Variants in ANKAR observed in about 807,000 individuals in gnomAD.
ANKAR encodes the protein ankyrin and armadillo repeat containing.
A neutral mutation model predicts 146.2 loss-of-function variants in ANKAR; 136 were observed. The ratio of observed to expected loss-of-function variants is 0.93; its 90% CI spans 0.81 to 1.07. The LOEUF (loss-of-function observed/expected upper bound fraction) is 1.07. Among genes scored for constraint, ANKAR ranks in the 50% least tolerant of loss-of-function variants. The pLI, the probability that ANKAR is intolerant of heterozygous loss-of-function variation, is 0.00. For missense variants in ANKAR, 1,567 were observed against 1,679.9 expected (o/e 0.93, Z 1.18); for synonymous variants, 500 against 575.8 (o/e 0.87, Z 1.88).
downstream of ANKAR, chr2:189,750,413 A>T: frequency 2.1e-6 from 1 of 487,414 alleles, no homozygotes; most frequent in Non-Finnish European, 3.6e-6. Context: ...CTTTTAACAC[A>T]TTATAGTATC....
intron 2 of ANKAR, among the ~76,000 whole-genome samples, chr2:189,681,590 C>G (rs1413898829): frequency 6.6e-6 from 1 of 152,222 alleles, no homozygotes; most frequent in African/African-American, 2.4e-5. Flanking sequence ...AGGGTTGATA[C>G]TCAAAACACT....
chr2:189,737,138 T>TG (rs11377912), intron 17 of ANKAR, among the ~76,000 whole-genome samples: 148,366 of 151,182 alleles, frequency 0.98, 72,860 homozygotes, highest in South Asian at 1. Flanking sequence ...GTTCTTTCTG[T>TG]TGTAATACAT....
At chr2:189,710,734 C>A (rs981345821) in intron 9 of ANKAR, among the ~76,000 whole-genome samples, 1 of 152,134 alleles carries the variant, frequency 6.6e-6, no homozygotes, top group Admixed American at 6.5e-5. Context: ...CCAGGGAGAT[C>A]CAGGCTGCAG....
rs1553536217 is a variant in ANKAR at position 189,742,891 on chromosome 2, C to CACA, written c.3811-382_3811-381insAAC. Reference sequence around the variant, plus strand: ...ACACACACACACACACACACACACACACTAGAATTACCTGACACACACACA... The same window carrying CACA: ...ACACACACACACACACACACACACACACAACTAGAATTACCTGACACACACACA... On this transcript the variant is annotated intron_variant, in intron 20 of 22. Coordinates refer to ENST00000684021, the MANE Select transcript of ANKAR (RefSeq NM_001378068.1). Among the ~76,000 whole-genome samples the CACA allele has an allele frequency of 9.1e-4, 110 of 121,284 alleles. 4 individuals carry two copies. Among genetic ancestry groups the CACA allele is most frequent in the Middle Eastern group, 3.9e-3 (1 of 254 alleles). 79.6% of individuals were successfully genotyped at this position (121,284 alleles called of 152,430 possible). A position where few individuals can be genotyped will look rare whatever the true frequency, so the allele number is the denominator to read the frequency against.
chr2:189,750,642 A>C, downstream of ANKAR: 1 of 1,583,856 alleles, frequency 6.3e-7, no homozygotes, highest in African/African-American at 1.3e-5. Context: ...TGATATGTCT[A>C]CTCCAAGAGG....
intron 10 of ANKAR, among the ~76,000 whole-genome samples, chr2:189,714,342 C>A (rs13033955): frequency 0.98 from 149,342 of 152,182 alleles, 73,336 homozygotes; most frequent in East Asian, 1. Flanking sequence ...TTACTCCAAA[C>A]CTGACCACAT....
In ANKAR at chr2:189,719,821, C is replaced by G. The variant is rs756938095; in HGVS notation, c.2466+8C>G. On this transcript the variant is annotated splice_region_variant and intron_variant, in intron 11 of 22. Coordinates refer to ENST00000684021, the MANE Select transcript of ANKAR (RefSeq NM_001378068.1). The stretch of plus-strand genomic sequence containing the variant: ...GATGTTATTGCCAAATATGTAAGTT[C>G]CTTTCATATACAATTATTTTTGACT... 3.9e-6 allele frequency: 6 copies of G among 1,550,108 alleles called. No individual in the cohort carries two copies. Among genetic ancestry groups the G allele is most frequent in the Non-Finnish European group, 5.3e-6 (6 of 1,135,032 alleles).
intron 18 of ANKAR, among the ~76,000 whole-genome samples, chr2:189,751,823 T>A (rs1462375619): frequency 7.6e-5 from 1 of 13,152 alleles, no homozygotes; most frequent in Non-Finnish European, 2.1e-4. Context: ...TCTTTTACTA[T>A]TCCAGAATTA....
At chr2:189,711,240 T>G (rs1242565608) in intron 10 of ANKAR, 87 bp downstream of exon 10, 9 of 1,027,324 alleles carry the variant, frequency 8.8e-6, no homozygotes, top group Non-Finnish European at 1.2e-5. Flanking sequence ...ATATTTTTAA[T>G]TGTAAAGGAA....
At chr2:189,744,135 C>T (rs555848130) in intron 21 of ANKAR, among the ~76,000 whole-genome samples, 11 of 152,208 alleles carry the variant, frequency 7.2e-5, no homozygotes, top group East Asian at 1.9e-4. Context: ...TCTATGATAA[C>T]GGAAGAGAAT....
At chr2:189,727,257 C>G (rs2041973702) in intron 12 of ANKAR, among the ~76,000 whole-genome samples, 1 of 152,080 alleles carries the variant, frequency 6.6e-6, no homozygotes, top group African/African-American at 2.4e-5. Flanking sequence ...TACTCATACT[C>G]AAACACAGTA....
At position 189,743,446 on chromosome 2, in the gene ANKAR, C is replaced by T. The variant is rs147806698; in HGVS notation, c.3982C>T (p.Gln1328Ter). 121 of 1,613,666 alleles carry T rather than the reference C, an allele frequency of 7.5e-5. No individual in the cohort carries two copies. The highest frequency in any genetic ancestry group is 9.3e-5 in the Non-Finnish European group (110 of 1,179,842). Reference protein sequence around the residue: ...PAFLKEFQMQQTLVGLPSLSL... With the variant: ...PAFLKEFQMQ ...ATTTTTAAAGGAATTTCAAATGCAA[C>T]AAACACTGGTGGGACTTCCTTCCTT... The change falls in exon 21 of 23, where the codon CAA becomes TAA. Residue 1328 changes from glutamine (Q) to a stop codon, truncating the protein, a stop_gained. Transcript: ENST00000684021. LOFTEE classifies it high-confidence loss of function.
At chr2:189,694,221 C>T (rs2105821800) in intron 5 of ANKAR, among the ~76,000 whole-genome samples, 1 of 152,114 alleles carries the variant, frequency 6.6e-6, no homozygotes, top group South Asian at 2.1e-4. Flanking sequence ...CAGAGTAAGA[C>T]CTTGTCTCAA....
Position 189,677,024 on chromosome 2 carries a change from C to T in ANKAR, c.534C>T (p.Ile178=), listed in dbSNP as rs1416262336. ...RARFSELWRA[I]MDIDPDGKPQ... ...GATTCTCTGAATTGTGGCGTGCCAT[C>T]ATGGACATTGATCCTGATGGAAAAC... Residue 178 remains isoleucine, a synonymous_variant, in exon 2 of 23, where the codon ATC becomes ATT. Transcript: ENST00000684021. 1 of 1,610,898 alleles carries T rather than the reference C, an allele frequency of 6.2e-7. No homozygotes were observed. The highest frequency in any genetic ancestry group is 1.7e-5 in the Admixed American group (1 of 59,312).
At chr2:189,755,863 G>C (rs2045993098) in intron 18 of ANKAR, among the ~76,000 whole-genome samples, 1 of 152,132 alleles carries the variant, frequency 6.6e-6, no homozygotes, top group African/African-American at 2.4e-5. Context: ...AGCATGGGAA[G>C]GACAGGAAAA....
chr2:189,762,720 C>G, downstream of ANKAR: 1 of 985,454 alleles, frequency 1.0e-6, no homozygotes, highest in Non-Finnish European at 1.2e-6. Context: ...CACTTGTCTC[C>G]TTTCCCTACT....
Position 189,674,745 on chromosome 2 carries a change from C to G in ANKAR, c.-121C>G, listed in dbSNP as rs1181170774. The stretch of plus-strand genomic sequence containing the variant: ...GATTCAAGGCCCCGCGAGAAGCCAT[C>G]TGAGGCGGCGACGACTGTTCTCAGC... On this transcript the variant is annotated 5_prime_UTR_variant, in exon 1 of 23. The change creates a new upstream start codon in the 5' untranslated region. Coordinates refer to ENST00000684021, the MANE Select transcript of ANKAR (RefSeq NM_001378068.1). 6.6e-6 allele frequency: 1 copy of G among 152,318 alleles called. No individual in the cohort carries two copies. The highest frequency in any genetic ancestry group is 6.5e-5 in the Admixed American group (1 of 15,268). 9.4% of individuals were successfully genotyped at this position (152,318 alleles called of 1,614,324 possible). A position where few individuals can be genotyped will look rare whatever the true frequency, so the allele number is the denominator to read the frequency against.
At chr2:189,741,599 A>T (rs2043335963) in intron 20 of ANKAR, 148 bp downstream of exon 20, 1 of 430,034 alleles carries the variant, frequency 2.3e-6, no homozygotes, top group Non-Finnish European at 4.1e-6. Flanking sequence ...TGACTGTGTT[A>T]TATATATAAT....
At chr2:189,712,350 C>T (rs556374935) in intron 10 of ANKAR, among the ~76,000 whole-genome samples, 48 of 152,266 alleles carry the variant, frequency 3.2e-4, no homozygotes, top group East Asian at 7.7e-4. Context: ...CAGTAGGGGC[C>T]GACTGACACC....
Sources: gnomAD v4.1 joint callset for allele counts (sites outside exome capture counted in the v4.1 genomes callset) on GRCh38, gnomAD v4.1.1 for gene constraint, MANE v1.5 for transcripts, NCBI Gene and HGNC (gene_info 2026-07-23, HGNC 2026-07-21) for gene names.